CSMD2: variants seen among roughly 807,000 people sequenced by gnomAD.
CSMD2 encodes CUB and Sushi multiple domains 2, also known as CUB and sushi domain-containing protein 2.
A neutral mutation model predicts 398.5 loss-of-function variants in CSMD2; 130 were observed. The observed-to-expected ratio is 0.33, with a 90% CI of 0.28 to 0.38. The LOEUF is 0.38. CSMD2 is among the 10% of genes least tolerant of loss of function. CSMD2 has a pLI of 1.00. For missense variants in CSMD2, 3,829 were observed against 4,764.9 expected, an observed-to-expected ratio of 0.80 and a Z score of 5.78; for synonymous variants, 1,828 against 1,908.5, an observed-to-expected ratio of 0.96 and a Z score of 1.10.
At chr1:33,763,457 G>A (rs1441316722) in intron 13 of CSMD2, among the ~76,000 whole-genome samples, 3 of 152,142 alleles carry the variant, frequency 2.0e-5, no homozygotes, top group African/African-American at 7.2e-5. Context: ...GATTCTAATG[G>A]TTAGCTGGGT....
intron 1 of CSMD2, among the ~76,000 whole-genome samples, chr1:34,136,520 G>A (rs980708316): frequency 5.3e-5 from 8 of 152,184 alleles, no homozygotes; most frequent in Non-Finnish European, 1.2e-4. Context: ...TGTGAACATG[G>A]TCTGTGCTGG....
chr1:34,157,925 T>C (rs981494744), intron 1 of CSMD2, among the ~76,000 whole-genome samples: 1 of 152,154 alleles, frequency 6.6e-6, no homozygotes. Flanking sequence ...TGACTATCTT[T>C]CATGTGACAT....
At chr1:34,032,740 C>A (rs1465762196) in intron 2 of CSMD2, 34 bp from the exon 3 acceptor site, 2 of 1,460,592 alleles carry the variant, frequency 1.4e-6, no homozygotes, top group East Asian at 2.4e-5. Context: ...GGGAGAATGA[C>A]CCCCTTGGGA....
chr1:34,038,200 T>C (rs938754138), intron 2 of CSMD2, among the ~76,000 whole-genome samples: 1 of 152,118 alleles, frequency 6.6e-6, no homozygotes, highest in Non-Finnish European at 1.5e-5. Context: ...AATGAGCAAA[T>C]AAAACTTTCA....
intron 5 of CSMD2, chr1:33,860,881 G>A (rs1427153770): frequency 6.6e-6 from 1 of 152,166 alleles, no homozygotes; most frequent in Non-Finnish European, 1.5e-5. Flanking sequence ...ACCCATCAGT[G>A]GGTCATGAGG....
chr1:34,010,407 G>T (rs1647210753), intron 3 of CSMD2, among the ~76,000 whole-genome samples: 1 of 152,160 alleles, frequency 6.6e-6, no homozygotes, highest in East Asian at 1.9e-4. Context: ...GTGCCACATA[G>T]TTTACCTGCA....
At chr1:34,145,246 A>C (rs1639661776) in intron 1 of CSMD2, among the ~76,000 whole-genome samples, 1 of 152,226 alleles carries the variant, frequency 6.6e-6, no homozygotes, top group Admixed American at 6.5e-5. Flanking sequence ...CCAAGTTAGG[A>C]AAGTGTATAG....
At chr1:33,743,149 C>A (rs1328883026) in intron 14 of CSMD2, 131 bp downstream of exon 14, 7 of 709,956 alleles carry the variant, frequency 9.9e-6, no homozygotes, top group Non-Finnish European at 1.4e-5. Flanking sequence ...CATGACTGGG[C>A]ACTGCAGCCC....
intron 1 of CSMD2, among the ~76,000 whole-genome samples, chr1:34,120,616 C>T (rs1662082134): frequency 6.6e-6 from 1 of 152,190 alleles, no homozygotes; most frequent in Non-Finnish European, 1.5e-5. Flanking sequence ...GCAATCTCGG[C>T]TCACTGCACT....
chr1:34,054,636 A>G (rs973588118), intron 2 of CSMD2, among the ~76,000 whole-genome samples: 1 of 152,124 alleles, frequency 6.6e-6, no homozygotes, highest in East Asian at 1.9e-4. Context: ...GCTACTCGGG[A>G]GGCTGAGGAA....
At chr1:33,898,058 C>T (rs976825121) in intron 5 of CSMD2, among the ~76,000 whole-genome samples, 1 of 152,118 alleles carries the variant, frequency 6.6e-6, no homozygotes, top group Non-Finnish European at 1.5e-5. Flanking sequence ...GAGAGGAGGA[C>T]ATTGAGGTTC....
Position 33,720,882 on chromosome 1 carries a change from G to T in CSMD2, c.3001+3315C>A, listed in dbSNP as rs186377155. On this transcript the variant is annotated intron_variant, in intron 19 of 70. Transcript: ENST00000373381. ...CCAAATAATTTTTTTTGTATTTTTA[G>T]TAGACACGGGGTTTCTCCATGTTGG... Among the ~76,000 whole-genome samples, 277 of 152,144 alleles carry T rather than the reference G, an allele frequency of 1.8e-3. 1 individual carries two copies. Among genetic ancestry groups the T allele is most frequent in the Non-Finnish European group, 2.3e-3 (155 of 67,986 alleles).
Position 33,619,074 on chromosome 1 carries a change from A to G in CSMD2, c.5828-1457T>C, listed in dbSNP as rs140937883. 2.4e-3 allele frequency among the ~76,000 whole-genome samples: 364 copies of G among 152,348 alleles called. 5 individuals are homozygous for G. The highest frequency in any genetic ancestry group is 0.014 in the East Asian group (74 of 5,180). On this transcript the variant is annotated intron_variant, in intron 37 of 70. Transcript: ENST00000373381. ...CAGGAGTCCATGTACAGGTGCAGGC[A>G]CTTCACATGCACTAAAAAGTTTCTG...
chr1:33,536,892 T>G, intron 62 of CSMD2, 130 bp downstream of exon 62: 5 of 844,622 alleles, frequency 5.9e-6, no homozygotes, highest in Non-Finnish European at 5.7e-6. Flanking sequence ...CAGAGGGCTT[T>G]CTTTCTGCGC....
chr1:33,894,725 T>C (rs1310298089), intron 5 of CSMD2, among the ~76,000 whole-genome samples: 2 of 152,208 alleles, frequency 1.3e-5, no homozygotes, highest in Non-Finnish European at 2.9e-5. Context: ...GGCCTGCTTT[T>C]GGGGAACCCA....
At chr1:34,014,198 T>C (rs1647761049) in intron 3 of CSMD2, among the ~76,000 whole-genome samples, 2 of 152,210 alleles carry the variant, frequency 1.3e-5, no homozygotes. Flanking sequence ...CCTGCATTGC[T>C]GCATTAGACT....
intron 3 of CSMD2, among the ~76,000 whole-genome samples, chr1:34,007,914 C>G (rs1222493702): frequency 2.0e-5 from 3 of 152,058 alleles, no homozygotes; most frequent in Non-Finnish European, 4.4e-5. Context: ...ACATGTAACA[C>G]AATCTGTAAA....
intron 2 of CSMD2, among the ~76,000 whole-genome samples, chr1:34,060,069 A>G (rs1046463223): frequency 1.3e-5 from 2 of 152,200 alleles, no homozygotes; most frequent in Non-Finnish European, 2.9e-5. Flanking sequence ...GAATGCCAGG[A>G]AGGCACAGGG....
chr1:34,165,342 C>T (rs1641793451), upstream of CSMD2: 31 of 1,199,892 alleles, frequency 2.6e-5, no homozygotes, highest in Non-Finnish European at 3.0e-5. Flanking sequence ...TGAATTATCC[C>T]CGGATTAATC....
Sources: allele counts gnomAD v4.1 joint callset (sites outside exome capture counted in the v4.1 genomes callset), GRCh38; gene constraint gnomAD v4.1.1; transcripts MANE v1.5; gene names NCBI Gene and HGNC (gene_info 2026-07-23, HGNC 2026-07-21).